CASZ1: variants seen among roughly 807,000 people sequenced by gnomAD.
CASZ1 encodes castor zinc finger 1, also known as zinc finger protein castor homolog 1.
In CASZ1, 28 loss-of-function variants were observed where a neutral mutation model predicts 135.2. The ratio of observed to expected loss-of-function variants is 0.21; its 90% CI spans 0.15 to 0.28. The LOEUF (loss-of-function observed/expected upper bound fraction) is 0.28, where lower values mean the gene tolerates loss of function less well. Among genes scored for constraint, CASZ1 ranks in the 10% least tolerant of loss-of-function variants. The pLI, the probability that CASZ1 is intolerant of heterozygous loss-of-function variation, is 1.00. For missense variants in CASZ1, 2,161 were observed against 2,453.3 expected (o/e 0.88, Z 2.52); for synonymous variants, 1,068 against 1,073.4 (o/e 0.99, Z 0.10).
chr1:10,783,811 G>A (rs1199390489), intron 1 of CASZ1, among the ~76,000 whole-genome samples: 1 of 140,194 alleles, frequency 7.1e-6, no homozygotes, highest in African/African-American at 2.7e-5. Context: ...GGCGGAGGTT[G>A]CAGCAAGCCT....
In CASZ1 at chr1:10,735,303, C is replaced by T. The variant is rs1450993605; in HGVS notation, c.-77+25398G>A. 2.0e-5 allele frequency among the ~76,000 whole-genome samples: 3 copies of T among 152,010 alleles called. No homozygotes were observed. The highest frequency in any genetic ancestry group is 1.9e-4 in the East Asian group (1 of 5,140). On this transcript the variant is annotated intron_variant, in intron 2 of 20. Transcript: ENST00000377022. The surrounding 1 kb of genome is among the most constrained non-coding windows in gnomAD (Gnocchi z 5.1). ...CATAAATTATAGGGGTTGATTAGAC[C>T]GGGGCTCTGGGAGAGGGAAAGGTTG...
chr1:10,730,433 A>T (rs568812487), intron 2 of CASZ1, among the ~76,000 whole-genome samples: 1 of 152,274 alleles, frequency 6.6e-6, no homozygotes, highest in East Asian at 1.9e-4. Context: ...TTCGGGGAGG[A>T]TGAAAGGGAA....
At chr1:10,723,361 C>T (rs1360898061) in intron 2 of CASZ1, among the ~76,000 whole-genome samples, 1 of 152,156 alleles carries the variant, frequency 6.6e-6, no homozygotes, top group Non-Finnish European at 1.5e-5. Flanking sequence ...CTAGGGGGCT[C>T]TGGGGTGTGG....
rs148718892 is a variant in CASZ1, at chr1:10,660,312, G to A, written c.730C>T (p.Arg244Cys). 106 of 1,614,110 alleles carry A rather than the reference G, an allele frequency of 6.6e-5. No homozygotes were observed. In the African/African-American group the frequency reaches 9.6e-4, roughly 15 times the overall value. The change falls in exon 6 of 21, where the codon CGC becomes TGC. Residue 244 changes from arginine (R) to cysteine (C), a missense_variant. Around this residue, in one of 7 missense-constraint regions of CASZ1, gnomAD observed 590 missense variants for 609.8 expected, o/e 0.97. Transcript: ENST00000377022. Reference protein sequence around the residue: ...ARFSKYEEYIRKLKAGEQLSW... With the variant: ...ARFSKYEEYICKLKAGEQLSW... Reference sequence around the variant, plus strand: ...AGCTGCTCGCCAGCCTTGAGCTTGCGGATGTACTCCTCATACTTAGAGAAC... The same window carrying A: ...AGCTGCTCGCCAGCCTTGAGCTTGCAGATGTACTCCTCATACTTAGAGAAC...
In CASZ1 at chr1:10,694,240, G is replaced by A. The variant is rs1373784693; in HGVS notation, c.-23-328C>T. 4 of 781,998 alleles carry A rather than the reference G, an allele frequency of 5.1e-6. No individual in the cohort carries two copies. The African/African-American group carries it at 5.7e-5, about 11-fold the overall frequency. The allele number at this position is 781,998 out of a possible 1,614,324, so 48.4% of individuals were successfully genotyped here. ...GTCCCGCCGACCGCGCCCCGCGCCC[G>A]GGTCGCCGCCCGAGACCGCGGCCCC... On this transcript the variant is annotated intron_variant, in intron 3 of 20. Transcript: ENST00000377022. This position sits in a 1 kb window ranked among gnomAD's most constrained non-coding sequence, Gnocchi z 6.6.
intron 2 of CASZ1, among the ~76,000 whole-genome samples, chr1:10,746,298 T>C (rs560487960): frequency 6.6e-6 from 1 of 152,272 alleles, no homozygotes; most frequent in African/African-American, 2.4e-5. Context: ...AAATTAAAGC[T>C]GAGAACTCGG....
Position 10,720,135 on chromosome 1 carries a change from T to C in CASZ1, c.-76-14591A>G, listed in dbSNP as rs1639469859. ...CTGGTAGGTACCGATGGGCATGTGA[T>C]CTGGCCTCTCCGAGGTTCAATTTCC... On this transcript the variant is annotated intron_variant, in intron 2 of 20. Coordinates refer to ENST00000377022, the MANE Select transcript of CASZ1 (RefSeq NM_001079843.3). The surrounding 1 kb of genome is among the most constrained non-coding windows in gnomAD (Gnocchi z 5.7). 6.6e-6 allele frequency among the ~76,000 whole-genome samples: 1 copy of C among 152,222 alleles called. No individual in the cohort carries two copies. The highest frequency in any genetic ancestry group is 2.1e-4 in the South Asian group (1 of 4,828).
chr1:10,704,167 C>G (rs561000845), intron 3 of CASZ1: 1 of 152,288 alleles, frequency 6.6e-6, no homozygotes, highest in Non-Finnish European at 1.5e-5. Context: ...TCCTGAGGAG[C>G]CTTCCACGGC....
chr1:10,669,869 C>T (rs1460871926), intron 4 of CASZ1, among the ~76,000 whole-genome samples: 3 of 152,178 alleles, frequency 2.0e-5, no homozygotes, highest in African/African-American at 2.4e-5. Flanking sequence ...TCCCAGGCTC[C>T]GGGTGCTTTA....
At chr1:10,782,122 A>G (rs1363018333) in intron 1 of CASZ1, among the ~76,000 whole-genome samples, 3 of 152,228 alleles carry the variant, frequency 2.0e-5, no homozygotes, top group Non-Finnish European at 4.4e-5. Flanking sequence ...CCCTCTATAG[A>G]GACAGGTTGG....
At chr1:10,659,096 G>C (rs1305583272) in intron 6 of CASZ1, among the ~76,000 whole-genome samples, 1 of 151,636 alleles carries the variant, frequency 6.6e-6, no homozygotes, top group Non-Finnish European at 1.5e-5. Context: ...GACTACCCAG[G>C]CCGTTCCCCT....
chr1:10,766,885 G>A (rs1252173220), intron 1 of CASZ1, among the ~76,000 whole-genome samples: 1 of 152,074 alleles, frequency 6.6e-6, no homozygotes, highest in Non-Finnish European at 1.5e-5. Context: ...GCCCAGCCAA[G>A]GTCACACACT....
chr1:10,702,832 C>T (rs1214104701), intron 3 of CASZ1, among the ~76,000 whole-genome samples: 1 of 152,192 alleles, frequency 6.6e-6, no homozygotes, highest in Non-Finnish European at 1.5e-5. Flanking sequence ...AGATTATAAG[C>T]ATATTGCACA....
At position 10,643,346 on chromosome 1, in the gene CASZ1, G is replaced by A. The variant is rs114268069; in HGVS notation, c.3869-35C>T. 1,982 of 1,607,166 alleles carry A rather than the reference G, an allele frequency of 1.2e-3. 30 individuals are homozygous for A. The African/African-American group carries it at 0.023, about 19-fold the overall frequency. ...CAGCCCCACCTGGCATGAGCCCCCA[G>A]CTGGCCAGCGCTCATGGCTTCCAGG... On this transcript the variant is annotated intron_variant, in intron 18 of 20. Coordinates refer to ENST00000377022, the MANE Select transcript of CASZ1 (RefSeq NM_001079843.3).
In CASZ1 at chr1:10,653,479, C is replaced by G; in HGVS notation, c.2578G>C (p.Ala860Pro). Residue 860 changes from alanine (A) to proline (P), a missense_variant, in exon 11 of 21, where the codon GCC becomes CCC. By Grantham distance (27) the Ala-to-Pro change is conservative (BLOSUM62 -1). Coordinates refer to ENST00000377022, the MANE Select transcript of CASZ1 (RefSeq NM_001079843.3). ...GCAGAGATCCTCTCCATGATGGAGG[C>G]GGGTGGTGCCGGGACAGAGGCGGCA... ...VAAASVPAPP[A>P]SIMERISASK... 6.2e-7 allele frequency: 1 copy of G among 1,612,876 alleles called. No homozygotes were observed. The highest frequency in any genetic ancestry group is 1.1e-5 in the South Asian group (1 of 91,064).
At position 10,638,134 on chromosome 1, in the gene CASZ1, T is replaced by A. The variant is rs187980089; in HGVS notation, c.*808A>T. ...TTCTTCCTTTTTGTTCTATGTAGAA[T>A]AATAACCTTTACAGGAAAAATACTG... On this transcript the variant is annotated 3_prime_UTR_variant, in exon 21 of 21. Transcript: ENST00000377022. The surrounding 1 kb of genome is among the most constrained non-coding windows in gnomAD (Gnocchi z 5.9). The A allele has an allele frequency of 6.6e-6, 1 of 152,546 alleles. No homozygotes were observed. Among genetic ancestry groups the A allele is most frequent in the East Asian group, 1.9e-4 (1 of 5,174 alleles). 9.4% of individuals were successfully genotyped at this position (152,546 alleles called of 1,614,324 possible). A position where few individuals can be genotyped will look rare whatever the true frequency, so the allele number is the denominator to read the frequency against.
chr1:10,708,721 T>C (rs1639224178), intron 2 of CASZ1, among the ~76,000 whole-genome samples: 1 of 152,058 alleles, frequency 6.6e-6, no homozygotes, highest in Non-Finnish European at 1.5e-5. Flanking sequence ...GCTGTCAGGC[T>C]GCCTAAGCAA....
intron 3 of CASZ1, among the ~76,000 whole-genome samples, chr1:10,703,612 G>T (rs915460637): frequency 3.3e-5 from 5 of 152,118 alleles, no homozygotes; most frequent in Middle Eastern, 3.2e-3. Context: ...CACGACCTGT[G>T]GGGCTTTTTT....
In CASZ1 at chr1:10,794,003, G is replaced by C. The variant is rs990272513; in HGVS notation, c.-234+2561C>G. Among the ~76,000 whole-genome samples, 1 of 152,312 alleles carries C rather than the reference G, an allele frequency of 6.6e-6. No individual in the cohort carries two copies. Among genetic ancestry groups the C allele is most frequent in the South Asian group, 2.1e-4 (1 of 4,828 alleles). ...ACCCGGCGCTTTGCGCTCGGGCGCC[G>C]AACGGCCCAGCGCCCCCTCCGGGCA... On this transcript the variant is annotated intron_variant, in intron 1 of 20. Coordinates refer to ENST00000377022, the MANE Select transcript of CASZ1 (RefSeq NM_001079843.3). The surrounding 1 kb of genome is among the most constrained non-coding windows in gnomAD (Gnocchi z 5.6).
Sources: allele counts gnomAD v4.1 joint callset (sites outside exome capture counted in the v4.1 genomes callset), GRCh38; gene constraint gnomAD v4.1.1; regional missense constraint gnomAD v4.1.1; non-coding constraint Gnocchi (gnomAD v3.1); transcripts MANE v1.5; gene names NCBI Gene and HGNC (gene_info 2026-07-23, HGNC 2026-07-21).